Variants in NAALADL2 observed in about 807,000 individuals in gnomAD.
NAALADL2 encodes the protein N-acetylated alpha-linked acidic dipeptidase like 2, also known as inactive N-acetylated-alpha-linked acidic dipeptidase-like protein 2.
A neutral mutation model predicts 87.2 loss-of-function variants in NAALADL2; 76 were observed. That is an observed-to-expected ratio of 0.87 (90% confidence interval 0.72 to 1.05). The LOEUF is 1.05. Among genes scored for constraint, NAALADL2 ranks in the 50% least tolerant of loss-of-function variants. NAALADL2 has a pLI of 0.00. For missense variants in NAALADL2, 1,089 were observed against 945.8 expected, an observed-to-expected ratio of 1.15 and a Z score of -1.99; for synonymous variants, 354 against 331.0, an observed-to-expected ratio of 1.07 and a Z score of -0.75.
rs76147932 is a variant in NAALADL2, at chr3:174,625,059, T to C, written c.-115+74422T>C. Among the ~76,000 whole-genome samples, 43 of 23,226 alleles carry C rather than the reference T, an allele frequency of 1.9e-3. No homozygotes were observed. In the East Asian group the frequency reaches 0.038, roughly 21 times the overall value. 15.2% of individuals were successfully genotyped at this position (23,226 alleles called of 152,430 possible). A position where few individuals can be genotyped will look rare whatever the true frequency, so the allele number is the denominator to read the frequency against. ...TTTATTGCTATCTCTCTCTCTCTCT[T>C]TTTTTTTTTTTTTTTTTGAGACAGG... is the stretch of plus-strand genomic sequence containing the variant. On this transcript the variant is annotated intron_variant, in intron 2 of 3. Coordinates refer to the NAALADL2 transcript ENST00000434257.
rs143749456 is a variant in NAALADL2, at chr3:174,780,738, A to C, written c.-9+42992A>C. Among the ~76,000 whole-genome samples the C allele has an allele frequency of 2.5e-3, 384 of 152,008 alleles. 2 individuals are homozygous for C. Among genetic ancestry groups the C allele is most frequent in the African/African-American group, 8.9e-3 (369 of 41,340 alleles). On this transcript the variant is annotated intron_variant, in intron 3 of 3. Transcript: ENST00000434257. ...GGCCTTTTCTGCACCTGTTGAGATA[A>C]TCATGTTTTTTTTGTCATTGGGGCA...
intron 3 of NAALADL2, among the ~76,000 whole-genome samples, chr3:175,253,034 A>G (rs1749328797): frequency 6.6e-6 from 1 of 152,198 alleles, no homozygotes; most frequent in Admixed American, 6.5e-5. Flanking sequence ...GAAGCCACAG[A>G]GAGTTATCTG....
chr3:175,222,981 T>C (rs1423252670), intron 2 of NAALADL2, among the ~76,000 whole-genome samples: 1 of 152,072 alleles, frequency 6.6e-6, no homozygotes. Context: ...TGAAGTATAA[T>C]TGACAAAATT....
At chr3:174,932,238 A>T (rs550475949) in intron 1 of NAALADL2, among the ~76,000 whole-genome samples, 3 of 152,306 alleles carry the variant, frequency 2.0e-5, no homozygotes, top group Non-Finnish European at 4.4e-5. Flanking sequence ...CTCTAACAGC[A>T]TATCATTAAC....
chr3:174,833,252 G>T (rs1722942176), intron 3 of NAALADL2, among the ~76,000 whole-genome samples: 1 of 152,134 alleles, frequency 6.6e-6, no homozygotes, highest in Non-Finnish European at 1.5e-5. Flanking sequence ...TTCTTAGTCT[G>T]TTAGGTCTCT....
At chr3:175,643,071 T>A (rs553185917) in intron 11 of NAALADL2, among the ~76,000 whole-genome samples, 27 of 152,320 alleles carry the variant, frequency 1.8e-4, no homozygotes, top group African/African-American at 5.8e-4. Context: ...ACAGTGTATT[T>A]GACTTAAAAG....
chr3:175,129,953 C>T (rs1727554237), intron 2 of NAALADL2, among the ~76,000 whole-genome samples: 1 of 152,122 alleles, frequency 6.6e-6, no homozygotes, highest in African/African-American at 2.4e-5. Context: ...TACTTTTCTC[C>T]ACATCCTTGC....
intron 13 of NAALADL2, among the ~76,000 whole-genome samples, chr3:175,763,054 A>T (rs1748241985): frequency 6.6e-6 from 1 of 151,732 alleles, no homozygotes; most frequent in Non-Finnish European, 1.5e-5. Context: ...ACTGCACTCC[A>T]GCCTGGGGGA....
chr3:175,218,843 T>C (rs1486027421), intron 2 of NAALADL2, among the ~76,000 whole-genome samples: 2 of 152,002 alleles, frequency 1.3e-5, no homozygotes, highest in Non-Finnish European at 2.9e-5. Context: ...TTTGCTCTTT[T>C]TGCCCAGGCT....
chr3:175,274,253 T>C (rs1753266759), intron 4 of NAALADL2, among the ~76,000 whole-genome samples: 2 of 152,174 alleles, frequency 1.3e-5, no homozygotes, highest in South Asian at 4.1e-4. Flanking sequence ...GACTTATTCA[T>C]TATCATGAGA....
At chr3:175,445,679 C>G (rs554439136) in intron 5 of NAALADL2, among the ~76,000 whole-genome samples, 16 of 152,266 alleles carry the variant, frequency 1.1e-4, no homozygotes, top group Non-Finnish European at 1.8e-4. Flanking sequence ...ATTATTATGA[C>G]TATGTAAATA....
intron 11 of NAALADL2, among the ~76,000 whole-genome samples, chr3:175,722,015 T>C (rs972752397): frequency 2.0e-5 from 3 of 152,232 alleles, no homozygotes; most frequent in Non-Finnish European, 4.4e-5. Flanking sequence ...ATCATACACA[T>C]GCACACATAC....
intron 11 of NAALADL2, among the ~76,000 whole-genome samples, chr3:175,629,460 T>A: frequency 6.6e-6 from 1 of 151,346 alleles, no homozygotes; most frequent in East Asian, 1.9e-4. Context: ...TACATTTATT[T>A]ATTTTTAAGC....
At chr3:174,695,501 T>C (rs187854840) in intron 2 of NAALADL2, among the ~76,000 whole-genome samples, 18 of 152,164 alleles carry the variant, frequency 1.2e-4, no homozygotes, top group Non-Finnish European at 2.2e-4. Context: ...AAAACACTAA[T>C]TTCCCAACAA....
intron 13 of NAALADL2, among the ~76,000 whole-genome samples, chr3:175,789,118 G>A (rs1275543898): frequency 6.6e-5 from 10 of 152,020 alleles, no homozygotes; most frequent in Admixed American, 6.6e-5. Context: ...TCAATCACTC[G>A]CATTTAAATT....
intron 2 of NAALADL2, among the ~76,000 whole-genome samples, chr3:175,160,996 A>G (rs1733114843): frequency 6.6e-6 from 1 of 152,126 alleles, no homozygotes; most frequent in Admixed American, 6.6e-5. Context: ...TTTCGGTGGG[A>G]TAGTCATTAA....
At chr3:175,622,578 T>C (rs1156545601) in intron 10 of NAALADL2, among the ~76,000 whole-genome samples, 1 of 152,058 alleles carries the variant, frequency 6.6e-6, no homozygotes, top group African/African-American at 2.4e-5. Flanking sequence ...ACGACGAAGA[T>C]GTGAATTCCA....
chr3:174,883,657 G>A (rs758748898), intron 1 of NAALADL2, among the ~76,000 whole-genome samples: 2 of 152,092 alleles, frequency 1.3e-5, no homozygotes, highest in South Asian at 2.1e-4. Context: ...TACAGCCCTC[G>A]TTTCTGCAGC....
chr3:175,791,706 T>C (rs2108293170), intron 13 of NAALADL2, among the ~76,000 whole-genome samples: 1 of 152,278 alleles, frequency 6.6e-6, no homozygotes, highest in East Asian at 1.9e-4. Context: ...TGCTTCATTC[T>C]CAATGTCTTC....
Sources: gnomAD v4.1 joint callset for allele counts (sites outside exome capture counted in the v4.1 genomes callset) on GRCh38, gnomAD v4.1.1 for gene constraint, MANE v1.5 for transcripts, NCBI Gene and HGNC (gene_info 2026-07-23, HGNC 2026-07-21) for gene names.